Variants in PDE6A observed in about 807,000 individuals in gnomAD.
PDE6A encodes the protein phosphodiesterase 6A, also known as rod cGMP-specific 3',5'-cyclic phosphodiesterase subunit alpha.
PDE6A carries 84 observed loss-of-function variants against 106.3 expected under a neutral mutation model. The ratio of observed to expected loss-of-function variants is 0.79; its 90% CI spans 0.66 to 0.95. The LOEUF is 0.95. Ranked by LOEUF, PDE6A falls within the 40% of genes least tolerant of loss-of-function variation. The pLI is 0.00. For synonymous variants in PDE6A, 394 were observed against 386.6 expected, an observed-to-expected ratio of 1.02 and a Z score of -0.23; for missense variants, 1,052 against 1,084.9, an observed-to-expected ratio of 0.97 and a Z score of 0.43.
intron 10 of PDE6A, 123 bp downstream of exon 10, chr5:149,898,240 C>T: frequency 1.2e-6 from 1 of 815,424 alleles, no homozygotes; most frequent in Non-Finnish European, 2.1e-6. Context: ...GGAAGGAACA[C>T]AACAGTGCAC....
chr5:149,897,311 G>A (rs1406735864), intron 10 of PDE6A, among the ~76,000 whole-genome samples: 1 of 152,186 alleles, frequency 6.6e-6, no homozygotes, highest in Non-Finnish European at 1.5e-5. Flanking sequence ...ATGTGCCAGA[G>A]GAGGGGGAAC....
chr5:149,900,375 G>GTGTATATATATATATATATATATATATA (rs371287292), intron 8 of PDE6A, among the ~76,000 whole-genome samples: 11 of 82,648 alleles, frequency 1.3e-4, no homozygotes, highest in Non-Finnish European at 1.9e-4. Flanking sequence ...AAATATATAT[G>GTGTATATATATATATATATATATATATA]TATATATATA....
In PDE6A at chr5:149,896,795, G is replaced by T; in HGVS notation, c.1408-19C>A. On this transcript the variant is annotated intron_variant, in intron 10 of 21. Coordinates refer to ENST00000255266, the MANE Select transcript of PDE6A (RefSeq NM_000440.3). ...TGGTTTTCTGCCAGGACCCAAAATG[G>T]CAGGGGAAAAAAAATAGGTTACAAC... 1.2e-6 allele frequency: 2 copies of T among 1,613,754 alleles called. No homozygotes were observed. Among genetic ancestry groups the T allele is most frequent in the Non-Finnish European group, 1.7e-6 (2 of 1,179,900 alleles).
At chr5:149,868,699 T>G (rs1581149915) in intron 17 of PDE6A, among the ~76,000 whole-genome samples, 1 of 152,226 alleles carries the variant, frequency 6.6e-6, no homozygotes, top group East Asian at 1.9e-4. Flanking sequence ...TTAGATACTT[T>G]TTCAGTAATT....
In PDE6A at chr5:149,932,034, T is replaced by C. The variant is rs113792683; in HGVS notation, c.718-866A>G. On this transcript the variant is annotated intron_variant, in intron 3 of 21. Transcript: ENST00000255266. ...CTAGCGGCAAAACCAGAGCCAGCTA[T>C]TAAGCAGCCAGAAAGCTACAGTAAT... The C allele has an allele frequency of 1.1e-5, 16 of 1,508,504 alleles. 1 individual carries two copies. The African/African-American group carries it at 1.8e-4, about 17-fold the overall frequency. The allele number at this position is 1,508,504 out of a possible 1,614,324, so 93.4% of individuals were successfully genotyped here. A position where few individuals can be genotyped will look rare whatever the true frequency, so the allele number is the denominator to read the frequency against.
At position 149,918,760 on chromosome 5, in the gene PDE6A, C is replaced by T. The variant is rs538065439; in HGVS notation, c.933+2875G>A. On this transcript the variant is annotated intron_variant, in intron 5 of 21. Coordinates refer to ENST00000255266, the MANE Select transcript of PDE6A (RefSeq NM_000440.3). ...CCAAGTAACTGGTAATACAGGCACG[C>T]GTCACCATGCCCGGCTACTTTTCTT... is the stretch of plus-strand genomic sequence containing the variant. Among the ~76,000 whole-genome samples the T allele has an allele frequency of 5.4e-4, 82 of 151,990 alleles. No individual in the cohort carries two copies. The Middle Eastern group carries it at 0.017, about 32-fold the overall frequency.
intron 8 of PDE6A, 75 bp from the exon 9 acceptor site, chr5:149,899,599 A>C: frequency 2.1e-6 from 3 of 1,422,222 alleles, no homozygotes; most frequent in Non-Finnish European, 3.0e-6. Flanking sequence ...TTCACCCTAC[A>C]TCATGACCCT....
Position 149,923,451 on chromosome 5 carries a change from T to C in PDE6A, c.859-1742A>G, listed in dbSNP as rs141155938. On this transcript the variant is annotated intron_variant, in intron 4 of 21. Coordinates refer to ENST00000255266, the MANE Select transcript of PDE6A (RefSeq NM_000440.3). ...AGGGGGAGGTTGCAGTGAGCTGAGA[T>C]TGTGCCACTGCCCTCCAGCCTGGGT... Among the ~76,000 whole-genome samples the C allele has an allele frequency of 2.1e-3, 320 of 152,120 alleles. 1 individual carries two copies. The highest frequency in any genetic ancestry group is 7.2e-3 in the African/African-American group (300 of 41,472).
At chr5:149,898,306 C>G in intron 10 of PDE6A, 57 bp downstream of exon 10, 1 of 1,570,104 alleles carries the variant, frequency 6.4e-7, no homozygotes, top group East Asian at 2.2e-5. Flanking sequence ...TTAATCTGGC[C>G]ACATCTCTGA....
intron 1 of PDE6A, among the ~76,000 whole-genome samples, chr5:149,941,819 C>T (rs1203764635): frequency 6.6e-6 from 1 of 152,222 alleles, no homozygotes; most frequent in Non-Finnish European, 1.5e-5. Context: ...AGACAACTGA[C>T]AGAAACTGAA....
chr5:149,926,272 A>G (rs1290981727), intron 4 of PDE6A, among the ~76,000 whole-genome samples: 1 of 152,140 alleles, frequency 6.6e-6, no homozygotes, highest in African/African-American at 2.4e-5. Context: ...AAAAACATAT[A>G]TATATACCAA....
intron 7 of PDE6A, among the ~76,000 whole-genome samples, chr5:149,907,023 C>T (rs1206573695): frequency 2.0e-5 from 3 of 152,200 alleles, no homozygotes; most frequent in South Asian, 4.1e-4. Flanking sequence ...CCACCTGCCT[C>T]GGCCCCCCAA....
intron 5 of PDE6A, among the ~76,000 whole-genome samples, chr5:149,921,402 C>A (rs1440682796): frequency 1.3e-5 from 2 of 151,624 alleles, no homozygotes; most frequent in African/African-American, 4.8e-5. Context: ...TAGGGCATGA[C>A]AATTATGAGG....
At chr5:149,935,800 G>T (rs895699827) in intron 1 of PDE6A, among the ~76,000 whole-genome samples, 1 of 152,222 alleles carries the variant, frequency 6.6e-6, no homozygotes, top group African/African-American at 2.4e-5. Flanking sequence ...AACATGCTCA[G>T]CTCACGCCGT....
intron 4 of PDE6A, among the ~76,000 whole-genome samples, chr5:149,927,671 A>G (rs1211428650): frequency 6.6e-6 from 1 of 151,962 alleles, no homozygotes; most frequent in East Asian, 1.9e-4. Flanking sequence ...ACTTAGCTTA[A>G]TACACAAACA....
At chr5:149,894,000 C>G (rs1171336006) in intron 13 of PDE6A, among the ~76,000 whole-genome samples, 1 of 152,136 alleles carries the variant, frequency 6.6e-6, no homozygotes, top group Non-Finnish European at 1.5e-5. Flanking sequence ...AATGGGGCTC[C>G]TGGGGGCTCA....
chr5:149,891,812 A>G (rs1752555799), intron 13 of PDE6A, among the ~76,000 whole-genome samples: 1 of 151,942 alleles, frequency 6.6e-6, no homozygotes, highest in South Asian at 2.1e-4. Context: ...CAAAAAAAAA[A>G]GGAAAAAAAA....
At chr5:149,914,461 A>T (rs1200772604) in intron 6 of PDE6A, among the ~76,000 whole-genome samples, 2 of 152,322 alleles carry the variant, frequency 1.3e-5, no homozygotes, top group Non-Finnish European at 2.9e-5. Context: ...AAAGCTCTGC[A>T]CCAAGCTCCA....
chr5:149,943,720 T>C (rs1467668882), intron 1 of PDE6A, among the ~76,000 whole-genome samples: 1 of 150,604 alleles, frequency 6.6e-6, no homozygotes, highest in Non-Finnish European at 1.5e-5. Context: ...GGAGGTATTG[T>C]GGAGGTACTG....
Sources: gnomAD v4.1 joint callset for allele counts (sites outside exome capture counted in the v4.1 genomes callset) on GRCh38, gnomAD v4.1.1 for gene constraint, MANE v1.5 for transcripts, NCBI Gene and HGNC (gene_info 2026-07-23, HGNC 2026-07-21) for gene names.